The following SATB2 variants were observed in gnomAD, a reference collection of about 807,000 sequenced individuals.
The protein encoded by SATB2 is SATB homeobox 2, also known as DNA-binding protein SATB2.
SATB2 carries 1 observed loss-of-function variant against 73.4 expected under a neutral mutation model. The observed-to-expected ratio is 0.01, with a 90% confidence interval of 0.00 to 0.06. The LOEUF (loss-of-function observed/expected upper bound fraction) is 0.06, where lower values mean the gene tolerates loss of function less well. Ranked by LOEUF, SATB2 falls within the 10% of genes least tolerant of loss-of-function variation. The pLI, the probability that SATB2 is intolerant of heterozygous loss-of-function variation, is 1.00. For synonymous variants in SATB2, 397 were observed against 367.0 expected (o/e 1.08, Z -0.93); for missense variants, 459 against 945.8 (o/e 0.49, Z 6.75).
At chr2:199,299,652 T>C (rs978633415) in intron 10 of SATB2, among the ~76,000 whole-genome samples, 1 of 152,090 alleles carries the variant, frequency 6.6e-6, no homozygotes, top group Non-Finnish European at 1.5e-5. Flanking sequence ...TTCACTGTTA[T>C]ATATGTGGTG....
chr2:199,438,891 A>G (rs1444957465), intron 2 of SATB2, among the ~76,000 whole-genome samples: 1 of 152,258 alleles, frequency 6.6e-6, no homozygotes, highest in Non-Finnish European at 1.5e-5. Flanking sequence ...CAAAAAACAC[A>G]GCAAGGCAAG....
At position 199,464,433 on chromosome 2, in the gene SATB2, GCACA is replaced by G. The variant is rs148806110; in HGVS notation, c.-141+399_-141+402del. Among the ~76,000 whole-genome samples, 6,058 of 149,444 alleles carry G rather than the reference GCACA, an allele frequency of 0.041. 167 individuals are homozygous for G. The highest frequency in any genetic ancestry group is 0.06 in the Non-Finnish European group (4,053 of 67,020). ...CACCACCATTTCCACGCGCGCGCGC[GCACA>G]CACACACACACACACACAGAGGGAC... On this transcript the variant is annotated intron_variant, in intron 1 of 11. Transcript: ENST00000260926. This position sits in a 1 kb window ranked among gnomAD's most constrained non-coding sequence, Gnocchi z 6.6.
At chr2:199,391,586 C>T (rs1201494363) in intron 3 of SATB2, among the ~76,000 whole-genome samples, 1 of 152,060 alleles carries the variant, frequency 6.6e-6, no homozygotes, top group Non-Finnish European at 1.5e-5. Flanking sequence ...GATATTCTGA[C>T]AGTTCCTTGA....
intron 5 of SATB2, 29 bp downstream of exon 5, chr2:199,380,335 T>C: frequency 6.2e-7 from 1 of 1,613,846 alleles, no homozygotes; most frequent in Non-Finnish European, 8.5e-7. Context: ...CTTCTTCTGT[T>C]TCCCAGACCC....
intron 9 of SATB2, among the ~76,000 whole-genome samples, chr2:199,322,391 G>T (rs536439285): frequency 3.0e-4 from 45 of 152,274 alleles, no homozygotes; most frequent in Non-Finnish European, 5.6e-4. Context: ...TCGTTTAACA[G>T]CTCCAACTCT....
intron 3 of SATB2, among the ~76,000 whole-genome samples, chr2:199,407,288 C>CAAAAA (rs34954916): frequency 1.3e-5 from 1 of 77,530 alleles, no homozygotes; most frequent in African/African-American, 4.5e-5. Flanking sequence ...TCTTGTCTCC[C>CAAAAA]AAAAAAAAAA....
chr2:199,411,823 T>A (rs909626473), intron 3 of SATB2, among the ~76,000 whole-genome samples: 5 of 152,172 alleles, frequency 3.3e-5, no homozygotes, highest in African/African-American at 1.2e-4. Context: ...GTTACAAAGA[T>A]AAGTGTTATA....
At chr2:199,377,141 C>G (rs991648242) in intron 5 of SATB2, among the ~76,000 whole-genome samples, 1 of 152,124 alleles carries the variant, frequency 6.6e-6, no homozygotes, top group Non-Finnish European at 1.5e-5. Flanking sequence ...CTTTGGGAGG[C>G]TGAGGCAGAT....
intron 3 of SATB2, among the ~76,000 whole-genome samples, chr2:199,389,742 TTCTA>T (rs1336016292): frequency 2.0e-5 from 3 of 152,140 alleles, no homozygotes; most frequent in Non-Finnish European, 4.4e-5. Context: ...TAAATCATAT[TTCTA>T]TCTTTCAGAG....
At chr2:199,426,750 G>C (rs184163226) in intron 3 of SATB2, among the ~76,000 whole-genome samples, 37 of 148,784 alleles carry the variant, frequency 2.5e-4, no homozygotes, top group African/African-American at 8.2e-4. Flanking sequence ...AAGAAAAAAA[G>C]GTGAATTTCT....
At chr2:199,451,518 T>C (rs1427662458) in intron 2 of SATB2, among the ~76,000 whole-genome samples, 1 of 151,866 alleles carries the variant, frequency 6.6e-6, no homozygotes, top group African/African-American at 2.4e-5. Context: ...GTGTACTTCC[T>C]ACAAATATTA....
chr2:199,290,784 T>A (rs1692834360), intron 10 of SATB2, among the ~76,000 whole-genome samples: 1 of 152,126 alleles, frequency 6.6e-6, no homozygotes, highest in African/African-American at 2.4e-5. Flanking sequence ...TCTCTCTCCC[T>A]CCCCAATCTG....
At chr2:199,405,787 GA>G (rs918141048) in intron 3 of SATB2, among the ~76,000 whole-genome samples, 16 of 145,236 alleles carry the variant, frequency 1.1e-4, no homozygotes, top group South Asian at 4.4e-4. Flanking sequence ...TTTTTTAAAA[GA>G]AAAAAAAAAG....
At chr2:199,334,102 T>C (rs1030331122) in intron 7 of SATB2, among the ~76,000 whole-genome samples, 2 of 152,140 alleles carry the variant, frequency 1.3e-5, no homozygotes, top group South Asian at 2.1e-4. Flanking sequence ...AAGGATATAG[T>C]AGGAAAGTGT....
chr2:199,355,978 C>T (rs911588128), intron 6 of SATB2, among the ~76,000 whole-genome samples: 1 of 152,010 alleles, frequency 6.6e-6, no homozygotes, highest in Admixed American at 6.6e-5. Flanking sequence ...AACACAGTTG[C>T]TTTTGTGAAA....
chr2:199,378,802 T>C (rs1371281098), intron 5 of SATB2, among the ~76,000 whole-genome samples: 2 of 152,200 alleles, frequency 1.3e-5, no homozygotes, highest in African/African-American at 4.8e-5. Context: ...TTAATCCTCT[T>C]TATATAACTC....
At chr2:199,378,225 GT>G (rs993105730) in intron 5 of SATB2, among the ~76,000 whole-genome samples, 1 of 152,168 alleles carries the variant, frequency 6.6e-6, no homozygotes, top group Non-Finnish European at 1.5e-5. Context: ...TGATACAACA[GT>G]TTGGACCAAA....
intron 3 of SATB2, among the ~76,000 whole-genome samples, chr2:199,420,280 C>T (rs943356997): frequency 6.6e-6 from 1 of 152,208 alleles, no homozygotes; most frequent in African/African-American, 2.4e-5. Context: ...AACAGTGCCT[C>T]ACACATAGTA....
upstream of SATB2, among the ~76,000 whole-genome samples, chr2:199,468,685 T>A (rs1005561498): frequency 1.3e-5 from 2 of 152,210 alleles, no homozygotes; most frequent in African/African-American, 4.8e-5. Flanking sequence ...CTTCGTTAAA[T>A]GGGCTGTTGG....
Sources: gnomAD v4.1 joint callset for allele counts (sites outside exome capture counted in the v4.1 genomes callset) on GRCh38, gnomAD v4.1.1 for gene constraint, Gnocchi (gnomAD v3.1) non-coding constraint, MANE v1.5 for transcripts, NCBI Gene and HGNC (gene_info 2026-07-23, HGNC 2026-07-21) for gene names.